CNMD: variants seen among roughly 807,000 people sequenced by gnomAD.
CNMD encodes leukocyte cell-derived chemotaxin 1.
In CNMD, 30 loss-of-function variants were observed where a neutral mutation model predicts 37.5. That is an observed-to-expected ratio of 0.80 (90% confidence interval 0.60 to 1.09). CNMD has a LOEUF of 1.09. CNMD is among the 50% of genes least tolerant of loss of function. CNMD has a pLI of 0.00. For synonymous variants in CNMD, 167 were observed against 148.2 expected (o/e 1.13, Z -0.92); for missense variants, 398 against 423.9 (o/e 0.94, Z 0.54).
chr13:52,712,589 A>T, intron 5 of CNMD, 127 bp downstream of exon 5: 1 of 530,662 alleles, frequency 1.9e-6, no homozygotes, highest in African/African-American at 1.9e-5. Flanking sequence ...AATTACTGAG[A>T]CACTGCGACA....
intron 2 of CNMD, among the ~76,000 whole-genome samples, chr13:52,735,349 C>T (rs1411691279): frequency 1.4e-5 from 2 of 142,176 alleles, no homozygotes; most frequent in Non-Finnish European, 3.1e-5. Context: ...GTCTTCCACT[C>T]ATATGACAAG....
At chr13:52,728,352 TG>T (rs1454919450) in intron 3 of CNMD, among the ~76,000 whole-genome samples, 1 of 143,392 alleles carries the variant, frequency 7.0e-6, no homozygotes, top group Non-Finnish European at 1.5e-5. Flanking sequence ...CACTGCAGCC[TG>T]GCGACAGAGC....
chr13:52,720,875 C>T (rs747898923), intron 4 of CNMD, among the ~76,000 whole-genome samples: 1 of 152,140 alleles, frequency 6.6e-6, no homozygotes, highest in Non-Finnish European at 1.5e-5. Context: ...CAGGCAGGGA[C>T]GTTTAAGTCT....
chr13:52,724,005 A>T lies in CNMD; in HGVS notation c.460T>A (p.Ser154Thr). 1 of 1,608,512 alleles carries T rather than the reference A, an allele frequency of 6.2e-7. No homozygotes were observed. The highest frequency in any genetic ancestry group is 1.1e-5 in the South Asian group (1 of 90,962). The change falls in exon 4 of 7, where the codon TCC (serine) becomes ACC (threonine). Residue 154 changes from serine to threonine, a missense_variant. Transcript: ENST00000377962. ...VGAVTKQSIS[S>T]KLEGKIMPVK... The stretch of plus-strand genomic sequence containing the variant: ...GGCATGTTGGTACCCACCAGTTTGG[A>T]GGAGATGCTCTGTTTGGTCACGGCG...
In CNMD at chr13:52,739,309, T is replaced by G. The variant is rs1964842546; in HGVS notation, c.73-138A>C. On this transcript the variant is annotated intron_variant, in intron 1 of 6. Coordinates refer to ENST00000377962, the MANE Select transcript of CNMD (RefSeq NM_007015.3). The surrounding 1 kb of genome is among the most constrained non-coding windows in gnomAD (Gnocchi z 5.4). ...AACAGCTCGCCCGGGCTCCTACGGG[T>G]GCCCCTTTCGCCGCGCTCCCTCCCG... is the stretch of plus-strand genomic sequence containing the variant. The G allele has an allele frequency of 9.4e-7, 1 of 1,066,508 alleles. No homozygotes were observed. Among genetic ancestry groups the G allele is most frequent in the Non-Finnish European group, 1.3e-6 (1 of 778,472 alleles). The allele number at this position is 1,066,508 out of a possible 1,614,324, so 66.1% of individuals were successfully genotyped here.
intron 4 of CNMD, among the ~76,000 whole-genome samples, chr13:52,720,656 G>A (rs1047160851): frequency 1.3e-5 from 2 of 152,196 alleles, no homozygotes; most frequent in Non-Finnish European, 2.9e-5. Flanking sequence ...AAAAATTGCT[G>A]TCTGTTCCTT....
intron 2 of CNMD, chr13:52,733,598 C>T (rs1295724503): frequency 1.7e-6 from 1 of 575,978 alleles, no homozygotes; most frequent in Non-Finnish European, 3.2e-6. Context: ...ATTCCAATAG[C>T]TCCATAATTT....
chr13:52,703,566 TTTTA>T lies in CNMD; in HGVS notation c.*25_*28del. 1 of 1,504,084 alleles carries T rather than the reference TTTTA, an allele frequency of 6.6e-7. No homozygotes were observed. Among genetic ancestry groups the T allele is most frequent in the Non-Finnish European group, 9.2e-7 (1 of 1,083,816 alleles). The allele number at this position is 1,504,084 out of a possible 1,614,324, so 93.2% of individuals were successfully genotyped here. ...TGGTTGTCTCTTCAGCTAGTTCTTA[TTTTA>T]CAGCACATGATATATGAAGTGATTT... is the stretch of plus-strand genomic sequence containing the variant. On this transcript the variant is annotated 3_prime_UTR_variant, in exon 7 of 7. Transcript: ENST00000377962.
intron 2 of CNMD, 138 bp downstream of exon 2, chr13:52,738,893 G>T: frequency 1.5e-6 from 1 of 674,458 alleles, no homozygotes. Context: ...GTGCCAGAGT[G>T]GGATGGGAGA....
chr13:52,736,804 A>C (rs1445165769), intron 2 of CNMD, among the ~76,000 whole-genome samples: 1 of 152,224 alleles, frequency 6.6e-6, no homozygotes, highest in Non-Finnish European at 1.5e-5. Context: ...CTGAGAGGAA[A>C]GGCCCCAAGC....
At chr13:52,707,324 C>A (rs1964199748) in intron 6 of CNMD, among the ~76,000 whole-genome samples, 1 of 150,136 alleles carries the variant, frequency 6.7e-6, no homozygotes. Flanking sequence ...TCACAAACAT[C>A]ACTTTTCAGT....
intron 3 of CNMD, among the ~76,000 whole-genome samples, chr13:52,724,625 G>A (rs1035265986): frequency 1.3e-5 from 2 of 151,854 alleles, no homozygotes; most frequent in African/African-American, 4.8e-5. Flanking sequence ...AAAAACAGCC[G>A]GACATGGTGG....
chr13:52,727,859 T>C (rs1237383667), intron 3 of CNMD, among the ~76,000 whole-genome samples: 5 of 152,078 alleles, frequency 3.3e-5, no homozygotes, highest in Admixed American at 6.6e-5. Flanking sequence ...AACATGCAGT[T>C]AGACAGAAGA....
chr13:52,738,028 T>C (rs1263274668), intron 2 of CNMD, among the ~76,000 whole-genome samples: 2 of 152,256 alleles, frequency 1.3e-5, no homozygotes, highest in African/African-American at 2.4e-5. Flanking sequence ...TGTAAAATGG[T>C]TGAATTGCTT....
chr13:52,739,689 A>T lies in CNMD; in HGVS notation c.13T>A (p.Ser5Thr). ...ACCAGGGCAATGGGAACTTTGTCGGAGTTCTCTGTCATGTTTGCGGCGGGA... is the reference window on the plus strand; with the variant it reads ...ACCAGGGCAATGGGAACTTTGTCGGTGTTCTCTGTCATGTTTGCGGCGGGA... Reference protein sequence around the residue: MTENSDKVPIALVGP... With the variant: MTENTDKVPIALVGP... The change falls in exon 1 of 7, where the codon TCC becomes ACC. Residue 5 changes from serine to threonine, a missense_variant. Coordinates refer to ENST00000377962, the MANE Select transcript of CNMD (RefSeq NM_007015.3). This position sits in a 1 kb window ranked among gnomAD's most constrained non-coding sequence, Gnocchi z 5.4. 6.2e-7 allele frequency: 1 copy of T among 1,614,048 alleles called. No homozygotes were observed.
rs1202645687 is a variant in CNMD, at chr13:52,739,668, G to A, written c.34C>T (p.Leu12=). 1 of 1,614,072 alleles carries A rather than the reference G, an allele frequency of 6.2e-7. No homozygotes were observed. Among genetic ancestry groups the A allele is most frequent in the African/African-American group, 1.3e-5 (1 of 74,940 alleles). ...TENSDKVPIA[L]VGPDDVEFCS... is the part of the protein sequence containing the mutation. Reference sequence around the variant, plus strand: ...AATTCCACGTCATCAGGTCCCACCAGGGCAATGGGAACTTTGTCGGAGTTC... The same window carrying A: ...AATTCCACGTCATCAGGTCCCACCAAGGCAATGGGAACTTTGTCGGAGTTC... Residue 12 remains leucine (L), a synonymous_variant, in exon 1 of 7, where the codon CTG becomes TTG. Transcript: ENST00000377962. This position sits in a 1 kb window ranked among gnomAD's most constrained non-coding sequence, Gnocchi z 5.4.
chr13:52,715,007 TTTA>T (rs1964348231), intron 4 of CNMD, among the ~76,000 whole-genome samples: 1 of 152,200 alleles, frequency 6.6e-6, no homozygotes, highest in Non-Finnish European at 1.5e-5. Context: ...ATTTTCTTTT[TTTA>T]TTTTTAATTT....
In CNMD at chr13:52,739,033, GA is replaced by G. The variant is rs772752605; in HGVS notation, c.210del (p.His71ThrfsTer9). On this transcript the variant is annotated frameshift_variant, in exon 2 of 7. Coordinates refer to ENST00000377962, the MANE Select transcript of CNMD (RefSeq NM_007015.3). LOFTEE classifies it high-confidence loss of function. The surrounding 1 kb of genome is among the most constrained non-coding windows in gnomAD (Gnocchi z 5.4). The part of the protein sequence containing the change: ...GAFYFWKGSD[S>X]HIYNVHYTMS... ...CGCGCGCCGCCCTCTGGACTTACGT[GA>G]CTGTCGCTCCCCTTCCAGAAGTAGA... 62 of 1,577,516 alleles carry G rather than the reference GA, an allele frequency of 3.9e-5. No homozygotes were observed. The highest frequency in any genetic ancestry group is 5.2e-5 in the Non-Finnish European group (61 of 1,165,542).
At chr13:52,733,417 C>A in intron 2 of CNMD, 58 bp from the exon 3 acceptor site, 5 of 1,505,588 alleles carry the variant, frequency 3.3e-6, no homozygotes, top group Non-Finnish European at 3.7e-6. Flanking sequence ...CAGGGCTTAT[C>A]TTTAGAAGGG....
Sources: gnomAD v4.1 joint callset for allele counts (sites outside exome capture counted in the v4.1 genomes callset) on GRCh38, gnomAD v4.1.1 for gene constraint, Gnocchi (gnomAD v3.1) non-coding constraint, MANE v1.5 for transcripts, NCBI Gene and HGNC (gene_info 2026-07-23, HGNC 2026-07-21) for gene names.